Variants in ACP6 observed in about 807,000 individuals in gnomAD.
The protein encoded by ACP6 is acid phosphatase 6, lysophosphatidic.
A neutral mutation model predicts 48.1 loss-of-function variants in ACP6; 48 were observed. That is an observed-to-expected ratio of 1.00 (90% CI 0.79 to 1.27). ACP6 has a LOEUF of 1.27. Among genes scored for constraint, ACP6 ranks in the 50% most tolerant of loss-of-function variants. The pLI is 0.00. For synonymous variants in ACP6, 172 were observed against 204.2 expected, an observed-to-expected ratio of 0.84 and a Z score of 1.34; for missense variants, 485 against 529.1, an observed-to-expected ratio of 0.92 and a Z score of 0.82.
At chr1:147,652,822 TTTG>T (rs1660012105) in intron 6 of ACP6, among the ~76,000 whole-genome samples, 1 of 44,540 alleles carries the variant, frequency 2.2e-5, no homozygotes, top group African/African-American at 9.8e-5. Context: ...GAAAAGCATT[TTTG>T]TTGTTTTTTT....
rs781952488 is a variant in ACP6, at chr1:147,659,682, G to A, written c.313C>T (p.Pro105Ser). 5.0e-6 allele frequency: 8 copies of A among 1,614,094 alleles called. No individual in the cohort carries two copies. The highest frequency in any genetic ancestry group is 1.3e-5 in the African/African-American group (1 of 74,924). The change falls in exon 2 of 10, where the codon CCT (proline) becomes TCT (serine). Residue 105 changes from proline to serine, a missense_variant. Physicochemically the swap from Pro to Ser is moderately conservative, Grantham distance 74 (BLOSUM62 -1). Coordinates refer to ENST00000583509, the MANE Select transcript of ACP6 (RefSeq NM_016361.5). ...GTCTCATGGTATTGAGAGTCGTAAG[G>A]AGAATATGGTTTCGGACCACCAGCT... ...NLAGGPKPYS[P>S]YDSQYHETTL...
Position 147,670,119 on chromosome 1 carries a change from G to T in ACP6, c.-71C>A. 7.3e-7 allele frequency: 1 copy of T among 1,375,370 alleles called. No homozygotes were observed. The highest frequency in any genetic ancestry group is 9.6e-7 in the Non-Finnish European group (1 of 1,045,988). 85.2% of individuals were successfully genotyped at this position (1,375,370 alleles called of 1,614,324 possible). A position where few individuals can be genotyped will look rare whatever the true frequency, so the allele number is the denominator to read the frequency against. ...AACACAAGTCTTCTGCGGGCGCCGG[G>T]GCTCAGCGGGCGCCCCCAAGTCCGC... On this transcript the variant is annotated 5_prime_UTR_variant, in exon 1 of 10. Transcript: ENST00000583509.
intron 5 of ACP6, among the ~76,000 whole-genome samples, chr1:147,633,351 G>A (rs1293332237): frequency 6.6e-6 from 1 of 152,054 alleles, no homozygotes; most frequent in Admixed American, 6.6e-5. Context: ...TTCCCTAACT[G>A]CCCTCATAGT....
intron 5 of ACP6, among the ~76,000 whole-genome samples, chr1:147,636,246 G>C (rs1659297187): frequency 6.6e-6 from 1 of 152,092 alleles, no homozygotes; most frequent in Non-Finnish European, 1.5e-5. Flanking sequence ...AGGATGGTTA[G>C]ATAGAAGAAA....
chr1:147,666,763 C>T (rs1172824577), intron 1 of ACP6, among the ~76,000 whole-genome samples: 1 of 152,158 alleles, frequency 6.6e-6, no homozygotes, highest in Non-Finnish European at 1.5e-5. Flanking sequence ...CCAGTTGACT[C>T]CAATGTTCAC....
At chr1:147,632,576 A>G (rs1172889962) in intron 5 of ACP6, among the ~76,000 whole-genome samples, 1 of 152,090 alleles carries the variant, frequency 6.6e-6, no homozygotes, top group East Asian at 1.9e-4. Context: ...AGCGAAGGGA[A>G]CAGCTTAAAC....
At chr1:147,630,006 A>T (rs1553207157) in exon 6 of ACP6, 1 of 152,214 alleles carries the variant, frequency 6.6e-6, no homozygotes, top group Admixed American at 6.5e-5. Flanking sequence ...ACCAGAAATT[A>T]TTTCCTCACA....
chr1:147,632,009 A>G (rs1553207446), intron 5 of ACP6, among the ~76,000 whole-genome samples: 1 of 152,032 alleles, frequency 6.6e-6, no homozygotes, highest in Non-Finnish European at 1.5e-5. Flanking sequence ...TGCTAATTTC[A>G]GTATCTCCAG....
intron 5 of ACP6, among the ~76,000 whole-genome samples, chr1:147,632,291 T>C (rs1032405071): frequency 6.6e-6 from 1 of 152,156 alleles, no homozygotes; most frequent in Admixed American, 6.5e-5. Flanking sequence ...TTGCCCACTG[T>C]GTGAAGTCAG....
At chr1:147,668,883 A>G (rs1660936952) in intron 1 of ACP6, among the ~76,000 whole-genome samples, 2 of 152,194 alleles carry the variant, frequency 1.3e-5, no homozygotes, top group Non-Finnish European at 2.9e-5. Context: ...ACAATCCTGA[A>G]GGTTTCTAGA....
chr1:147,663,514 G>A (rs1343490864), intron 1 of ACP6, among the ~76,000 whole-genome samples: 3 of 152,096 alleles, frequency 2.0e-5, no homozygotes, highest in Non-Finnish European at 4.4e-5. Context: ...TGTCCTTCAA[G>A]AACTTCTACA....
At chr1:147,662,283 A>AT (rs34428654) in intron 1 of ACP6, among the ~76,000 whole-genome samples, 14,989 of 152,250 alleles carry the variant, frequency 0.098, 1,028 homozygotes, top group East Asian at 0.33. Flanking sequence ...CCAAGGAGTA[A>AT]TTTTGACTTT....
Position 147,648,242 on chromosome 1 carries a change from T to C in ACP6, c.1143+4A>G. 1 of 1,614,076 alleles carries C rather than the reference T, an allele frequency of 6.2e-7. No homozygotes were observed. Among genetic ancestry groups the C allele is most frequent in the Non-Finnish European group, 8.5e-7 (1 of 1,179,986 alleles). ...ACCACCCAACCCCACCTCAGGGGTA[T>C]TACCTTCCCGTGGTAATAGAGCTGC... On this transcript the variant is annotated splice_donor_region_variant and intron_variant, in intron 9 of 9. Transcript: ENST00000583509.
At chr1:147,661,792 T>A (rs1660559966) in intron 1 of ACP6, among the ~76,000 whole-genome samples, 2 of 152,060 alleles carry the variant, frequency 1.3e-5, no homozygotes, top group Non-Finnish European at 2.9e-5. Context: ...AATGAGAAAG[T>A]GAAACAACCT....
At chr1:147,632,516 G>C (rs1379488045) in intron 5 of ACP6, among the ~76,000 whole-genome samples, 1 of 152,074 alleles carries the variant, frequency 6.6e-6, no homozygotes, top group African/African-American at 2.4e-5. Flanking sequence ...CAACACGAAT[G>C]AGGAAATGGC....
rs782012979 is a variant in ACP6, at chr1:147,646,280, T to C, written c.*1143A>G. ...GGGTGGAGAGTGGAGGTGTCTTTCATTCAGATAGGGAAGTGTGTGGGAGAA... is the reference window on the plus strand; with the variant it reads ...GGGTGGAGAGTGGAGGTGTCTTTCACTCAGATAGGGAAGTGTGTGGGAGAA... On this transcript the variant is annotated 3_prime_UTR_variant, in exon 10 of 10. Coordinates refer to ENST00000583509, the MANE Select transcript of ACP6 (RefSeq NM_016361.5). 1.3e-5 allele frequency: 2 copies of C among 152,186 alleles called. No homozygotes were observed. The highest frequency in any genetic ancestry group is 2.9e-5 in the Non-Finnish European group (2 of 68,030). 9.4% of individuals were successfully genotyped at this position (152,186 alleles called of 1,614,324 possible). A position where few individuals can be genotyped will look rare whatever the true frequency, so the allele number is the denominator to read the frequency against.
chr1:147,654,531 G>A lies in ACP6; in HGVS notation c.648-205C>T, dbSNP rs181711140. Among the ~76,000 whole-genome samples the A allele has an allele frequency of 3.0e-4, 46 of 152,202 alleles. No homozygotes were observed. In the East Asian group the frequency reaches 7.4e-3, roughly 24 times the overall value. On this transcript the variant is annotated intron_variant, in intron 5 of 9. Transcript: ENST00000583509. ...ATAACGTTAAGTTAGCAAGTACCAG[G>A]GTTAGGATAACAGGATGAAATTTTC...
chr1:147,660,080 G>A (rs891273158), intron 1 of ACP6, among the ~76,000 whole-genome samples: 7 of 152,118 alleles, frequency 4.6e-5, no homozygotes, highest in African/African-American at 7.2e-5. Flanking sequence ...CCTGGCATGC[G>A]GATACGTGGT....
chr1:147,658,840 A>T, intron 4 of ACP6, 120 bp downstream of exon 4: 1 of 910,192 alleles, frequency 1.1e-6, no homozygotes, highest in Non-Finnish European at 1.7e-6. Context: ...ACACACTGGA[A>T]GTCACACATG....
Sources: gnomAD v4.1 joint callset for allele counts (sites outside exome capture counted in the v4.1 genomes callset) on GRCh38, gnomAD v4.1.1 for gene constraint, MANE v1.5 for transcripts, NCBI Gene and HGNC (gene_info 2026-07-23, HGNC 2026-07-21) for gene names.